The following CSMD1 variants were observed in gnomAD, a reference collection of about 807,000 sequenced individuals.
The protein encoded by CSMD1 is CUB and Sushi multiple domains 1, also known as CUB and sushi domain-containing protein 1.
A neutral mutation model predicts 417.5 loss-of-function variants in CSMD1; 213 were observed. The ratio of observed to expected loss-of-function variants is 0.51; its 90% CI spans 0.46 to 0.57. CSMD1 has a LOEUF of 0.57. CSMD1 is among the 20% of genes least tolerant of loss of function. The probability of loss-of-function intolerance (pLI) is 0.00; values close to 1 mark genes in which losing one functional copy is unlikely to be tolerated. For missense variants in CSMD1, 6,923 were observed against 4,529.7 expected (o/e 1.53, Z -15.17); for synonymous variants, 2,862 against 1,736.8 (o/e 1.65, Z -16.11).
intron 6 of CSMD1, among the ~76,000 whole-genome samples, chr8:3,716,229 G>C (rs1208864334): frequency 1.3e-5 from 2 of 152,088 alleles, no homozygotes; most frequent in Non-Finnish European, 2.9e-5. Flanking sequence ...GCTGGAAAGT[G>C]GTCCTGATCC....
intron 50 of CSMD1, among the ~76,000 whole-genome samples, chr8:3,039,130 G>C (rs1050706340): frequency 6.6e-6 from 1 of 152,154 alleles, no homozygotes; most frequent in African/African-American, 2.4e-5. Context: ...TGTAAACACC[G>C]TGTGAGTGAG....
intron 3 of CSMD1, among the ~76,000 whole-genome samples, chr8:4,375,508 C>T (rs1211985784): frequency 6.6e-6 from 1 of 152,094 alleles, no homozygotes; most frequent in Non-Finnish European, 1.5e-5. Context: ...GGGCAAGTGA[C>T]ATCAGAAGAA....
intron 2 of CSMD1, among the ~76,000 whole-genome samples, chr8:4,630,994 C>G (rs1260995337): frequency 1.3e-5 from 2 of 152,060 alleles, no homozygotes; most frequent in East Asian, 3.9e-4. Flanking sequence ...GGCTGGTGTC[C>G]CTATAAAAGC....
At chr8:4,689,446 A>T (rs1045119326) in intron 1 of CSMD1, among the ~76,000 whole-genome samples, 1 of 152,188 alleles carries the variant, frequency 6.6e-6, no homozygotes, top group African/African-American at 2.4e-5. Context: ...ATGGGTATGC[A>T]TTTATATTAG....
At chr8:4,206,716 G>A (rs888500595) in intron 3 of CSMD1, among the ~76,000 whole-genome samples, 3 of 152,028 alleles carry the variant, frequency 2.0e-5, no homozygotes, top group Admixed American at 1.3e-4. Context: ...GGGATGGCTG[G>A]GTCAAATAGT....
chr8:4,890,949 G>A (rs1804079115), intron 1 of CSMD1, among the ~76,000 whole-genome samples: 1 of 152,088 alleles, frequency 6.6e-6, no homozygotes, highest in Non-Finnish European at 1.5e-5. Context: ...AGAATCCAAG[G>A]GAAAGTATTG....
chr8:4,080,961 A>C (rs1287825056), intron 3 of CSMD1, among the ~76,000 whole-genome samples: 2 of 152,144 alleles, frequency 1.3e-5, no homozygotes, highest in Non-Finnish European at 2.9e-5. Flanking sequence ...CTCCTGAATC[A>C]AATTAATGCC....
At chr8:4,450,767 GA>G (rs1585096771) in intron 2 of CSMD1, among the ~76,000 whole-genome samples, 1 of 152,176 alleles carries the variant, frequency 6.6e-6, no homozygotes, top group Non-Finnish European at 1.5e-5. Flanking sequence ...TTCACAAATT[GA>G]AAGCAAGTAT....
At chr8:4,790,420 G>A (rs1797628715) in intron 1 of CSMD1, among the ~76,000 whole-genome samples, 1 of 152,118 alleles carries the variant, frequency 6.6e-6, no homozygotes, top group African/African-American at 2.4e-5. Flanking sequence ...GCAATTTACA[G>A]ATTCAAAACT....
chr8:4,584,338 G>A (rs149360815), intron 2 of CSMD1, among the ~76,000 whole-genome samples: 10 of 151,964 alleles, frequency 6.6e-5, no homozygotes, highest in East Asian at 1.9e-4. Context: ...TGAGACAATC[G>A]CCAATCGCCA....
At chr8:4,341,235 A>C (rs1043144049) in intron 3 of CSMD1, among the ~76,000 whole-genome samples, 2 of 152,024 alleles carry the variant, frequency 1.3e-5, no homozygotes, top group African/African-American at 4.8e-5. Flanking sequence ...CAATTACATA[A>C]CTGTTTTCCA....
At chr8:4,381,836 C>T (rs564949751) in intron 3 of CSMD1, among the ~76,000 whole-genome samples, 1 of 152,240 alleles carries the variant, frequency 6.6e-6, no homozygotes, top group East Asian at 1.9e-4. Context: ...TCTCCTGCTT[C>T]ACCAAAGCTC....
intron 1 of CSMD1, among the ~76,000 whole-genome samples, chr8:4,905,550 T>C (rs1313233579): frequency 1.3e-5 from 2 of 152,020 alleles, no homozygotes; most frequent in African/African-American, 4.8e-5. Context: ...TCAGACACAG[T>C]GGCTCACATC....
At chr8:4,406,982 C>A (rs937668570) in intron 3 of CSMD1, among the ~76,000 whole-genome samples, 4 of 152,156 alleles carry the variant, frequency 2.6e-5, no homozygotes, top group African/African-American at 9.6e-5. Context: ...GGAAAATGTT[C>A]TAGCTTTAGG....
At chr8:3,893,754 G>C (rs75664054) in intron 5 of CSMD1, among the ~76,000 whole-genome samples, 7,823 of 152,092 alleles carry the variant, frequency 0.051, 273 homozygotes, top group South Asian at 0.13. Flanking sequence ...TTGTAATTGA[G>C]CTCATTCAAG....
At chr8:4,700,430 G>T (rs768663366) in intron 1 of CSMD1, among the ~76,000 whole-genome samples, 1 of 151,988 alleles carries the variant, frequency 6.6e-6, no homozygotes, top group African/African-American at 2.4e-5. Flanking sequence ...AAACAGGTAG[G>T]TTTACTTTGT....
chr8:4,248,291 C>A (rs931355501), intron 3 of CSMD1, among the ~76,000 whole-genome samples: 7 of 152,090 alleles, frequency 4.6e-5, no homozygotes, highest in African/African-American at 1.7e-4. Context: ...TTTATACAAA[C>A]AATCTGAATT....
In CSMD1 at chr8:4,339,702, T is replaced by C. The variant is rs952358802; in HGVS notation, c.415+80251A>G. Among the ~76,000 whole-genome samples, 4 of 151,784 alleles carry C rather than the reference T, an allele frequency of 2.6e-5. No homozygotes were observed. In the East Asian group the frequency reaches 7.8e-4, roughly 29 times the overall value. Reference sequence around the variant, plus strand: ...CAAACAGTTTCCAGGTTTGAGTGAGTGAGAAGAAAATGAAAGAGGACGGTA... The same window carrying C: ...CAAACAGTTTCCAGGTTTGAGTGAGCGAGAAGAAAATGAAAGAGGACGGTA... On this transcript the variant is annotated intron_variant, in intron 3 of 69. Transcript: ENST00000635120.
At chr8:3,642,391 T>A (rs1011651136) in intron 7 of CSMD1, among the ~76,000 whole-genome samples, 2 of 152,246 alleles carry the variant, frequency 1.3e-5, no homozygotes, top group African/African-American at 4.8e-5. Flanking sequence ...TTAAGTCCAC[T>A]TTCCCATGAG....
Sources: allele counts gnomAD v4.1 joint callset (sites outside exome capture counted in the v4.1 genomes callset), GRCh38; gene constraint gnomAD v4.1.1; transcripts MANE v1.5; gene names NCBI Gene and HGNC (gene_info 2026-07-23, HGNC 2026-07-21).